The following ZDHHC5 variants were observed in gnomAD, a reference collection of about 807,000 sequenced individuals.
ZDHHC5 encodes zDHHC palmitoyltransferase 5.
Under a neutral mutation model 70.0 loss-of-function variants are expected in ZDHHC5, and 22 were observed. The observed-to-expected ratio is 0.31, with a 90% CI of 0.22 to 0.45. The LOEUF (loss-of-function observed/expected upper bound fraction) is 0.45. ZDHHC5 is among the 20% of genes least tolerant of loss of function. The pLI, the probability that ZDHHC5 is intolerant of heterozygous loss-of-function variation, is 1.00. For missense variants in ZDHHC5, 746 were observed against 926.9 expected (o/e 0.80, Z 2.53); for synonymous variants, 313 against 347.8 (o/e 0.90, Z 1.11).
chr11:57,698,900 G>A lies in ZDHHC5; in HGVS notation c.1464G>A (p.Gly488=), dbSNP rs1026091878. ...CTGATTTTGAGTCAGTGCAGGCAGG[G>A]CCTGAGCCAGACCCACCTTTAGGCT... ...DSPDFESVQA[G]PEPDPPLGYT... Residue 488 remains glycine (G), a synonymous_variant, in exon 11 of 12, where the codon GGG becomes GGA. Transcript: ENST00000287169. 4 of 1,614,016 alleles carry A rather than the reference G, an allele frequency of 2.5e-6. No homozygotes were observed. In the African/African-American group the frequency reaches 4.0e-5, roughly 16 times the overall value.
chr11:57,690,494 C>T (rs1590867361), intron 6 of ZDHHC5, 57 bp downstream of exon 6: 1 of 1,570,844 alleles, frequency 6.4e-7, no homozygotes, highest in South Asian at 1.1e-5. Flanking sequence ...CTTTAGCCTT[C>T]TGATTAGTGT....
At chr11:57,694,657 C>T (rs755023633) in intron 8 of ZDHHC5, among the ~76,000 whole-genome samples, 10 of 152,272 alleles carry the variant, frequency 6.6e-5, no homozygotes, top group Middle Eastern at 3.4e-3. Context: ...CCACTGCACC[C>T]GGCCCTACAT....
intron 2 of ZDHHC5, among the ~76,000 whole-genome samples, chr11:57,677,468 G>A (rs1456543662): frequency 6.6e-6 from 1 of 151,942 alleles, no homozygotes; most frequent in Non-Finnish European, 1.5e-5. Flanking sequence ...TGTATTTTTA[G>A]TAGAGTTGGG....
At chr11:57,682,599 T>C (rs1946162877) in intron 3 of ZDHHC5, 56 bp downstream of exon 3, 1 of 1,590,198 alleles carries the variant, frequency 6.3e-7, no homozygotes, top group Non-Finnish European at 8.6e-7. Context: ...AAATAATGAG[T>C]TGGCCATACA....
At chr11:57,682,715 A>G (rs1590861750) in intron 3 of ZDHHC5, among the ~76,000 whole-genome samples, 172 bp downstream of exon 3, 1 of 152,306 alleles carries the variant, frequency 6.6e-6, no homozygotes, top group East Asian at 1.9e-4. Flanking sequence ...ATTTTGGGAT[A>G]CTTTTATCAT....
At chr11:57,670,201 C>T (rs992704517) in intron 1 of ZDHHC5, among the ~76,000 whole-genome samples, 1 of 152,092 alleles carries the variant, frequency 6.6e-6, no homozygotes, top group Non-Finnish European at 1.5e-5. Flanking sequence ...ATTGGCTGGG[C>T]AGAGTGTCTC....
Position 57,699,105 on chromosome 11 carries a change from C to T in ZDHHC5, c.1669C>T (p.Leu557Phe), listed in dbSNP as rs749763289. ...GAAGTTGCTGCGCCAGTCACCCCCA[C>T]TCCCGGGCCGTGAGGAAGAACCAGG... ...REKLLRQSPPLPGREEEPGLG... is the reference protein window; with the variant it reads ...REKLLRQSPPFPGREEEPGLG... The change falls in exon 11 of 12, where the codon CTC becomes TTC. Residue 557 changes from leucine (L) to phenylalanine (F), a missense_variant. By Grantham distance (22) the Leu-to-Phe change is conservative. This residue lies in a region of ZDHHC5 where 340 missense variants were observed against 350.1 expected (regional missense o/e 0.97). Transcript: ENST00000287169. 6.2e-7 allele frequency: 1 copy of T among 1,613,976 alleles called. No individual in the cohort carries two copies. Among genetic ancestry groups the T allele is most frequent in the African/African-American group, 1.3e-5 (1 of 75,076 alleles).
rs1454366071 is a variant in ZDHHC5, at chr11:57,698,871, A to G, written c.1435A>G (p.Ser479Gly). 1 of 1,614,058 alleles carries G rather than the reference A, an allele frequency of 6.2e-7. No homozygotes were observed. Among genetic ancestry groups the G allele is most frequent in the Admixed American group, 1.7e-5 (1 of 60,004 alleles). ...SYDSLLTPSD[S>G]PDFESVQAGP... ...TGACAGCTTGCTCACACCTTCAGAC[A>G]GCCCTGATTTTGAGTCAGTGCAGGC... The change falls in exon 11 of 12, where the codon AGC (serine) becomes GGC (glycine). Residue 479 changes from serine (S) to glycine (G), a missense_variant. By Grantham distance (56) the Ser-to-Gly change is moderately conservative. Transcript: ENST00000287169.
At chr11:57,671,298 G>C (rs929352670) in intron 1 of ZDHHC5, among the ~76,000 whole-genome samples, 1 of 152,190 alleles carries the variant, frequency 6.6e-6, no homozygotes, top group Non-Finnish European at 1.5e-5. Flanking sequence ...GTTTGTTATT[G>C]TCATCAACAG....
At chr11:57,694,301 T>TA (rs1946322510) in intron 8 of ZDHHC5, among the ~76,000 whole-genome samples, 1 of 150,762 alleles carries the variant, frequency 6.6e-6, no homozygotes, top group South Asian at 2.1e-4. Context: ...CCATATTTCT[T>TA]ACAGTGTTTA....
At chr11:57,676,057 T>G (rs1946067823) in intron 2 of ZDHHC5, among the ~76,000 whole-genome samples, 1 of 152,222 alleles carries the variant, frequency 6.6e-6, no homozygotes, top group South Asian at 2.1e-4. Context: ...TATAGAGGAA[T>G]GCGAGTAGGA....
In ZDHHC5 at chr11:57,690,874, G is replaced by A. The variant is rs573927363; in HGVS notation, c.660+437G>A. Among the ~76,000 whole-genome samples the A allele has an allele frequency of 3.9e-5, 6 of 152,208 alleles. No homozygotes were observed. The East Asian group carries it at 1.2e-3, about 29-fold the overall frequency. Reference sequence around the variant, plus strand: ...GGGGCAGGGGGAGCGGGGAGGGATAGCATTAGGAGATATACCTAATGTAAG... The same window carrying A: ...GGGGCAGGGGGAGCGGGGAGGGATAACATTAGGAGATATACCTAATGTAAG... On this transcript the variant is annotated intron_variant, in intron 6 of 11. Coordinates refer to ENST00000287169, the MANE Select transcript of ZDHHC5 (RefSeq NM_015457.3).
At chr11:57,683,084 C>T (rs1946167831) in intron 3 of ZDHHC5, among the ~76,000 whole-genome samples, 1 of 152,148 alleles carries the variant, frequency 6.6e-6, no homozygotes, top group Non-Finnish European at 1.5e-5. Context: ...CATTTTTAGG[C>T]AGAGGAAACA....
chr11:57,692,086 G>A (rs1211437628), intron 6 of ZDHHC5, among the ~76,000 whole-genome samples: 2 of 151,896 alleles, frequency 1.3e-5, no homozygotes, highest in Non-Finnish European at 2.9e-5. Flanking sequence ...GCACGATCTC[G>A]GCTCACTGCA....
At chr11:57,683,972 A>ATTTTT (rs11435194) in intron 3 of ZDHHC5, among the ~76,000 whole-genome samples, 2 of 135,862 alleles carry the variant, frequency 1.5e-5, no homozygotes, top group South Asian at 2.3e-4. Context: ...CTAATAATTA[A>ATTTTT]TTTTTTTTTT....
At chr11:57,680,280 G>C (rs1294267795) in intron 2 of ZDHHC5, among the ~76,000 whole-genome samples, 1 of 152,148 alleles carries the variant, frequency 6.6e-6, no homozygotes, top group African/African-American at 2.4e-5. Flanking sequence ...AGGAGGCTGG[G>C]GTGGGAGGAT....
intron 3 of ZDHHC5, among the ~76,000 whole-genome samples, chr11:57,685,391 C>T (rs775209371): frequency 1.3e-5 from 2 of 152,028 alleles, no homozygotes; most frequent in African/African-American, 2.4e-5. Flanking sequence ...TGGCTTACGC[C>T]TGTAATCCCA....
chr11:57,688,782 A>G (rs1946244368), intron 4 of ZDHHC5, 117 bp downstream of exon 4: 4 of 1,150,000 alleles, frequency 3.5e-6, no homozygotes, highest in South Asian at 2.2e-5. Context: ...CGTTGGCCAC[A>G]TGGTCCAGCT....
In ZDHHC5 at chr11:57,696,086, G is replaced by C. The variant is rs779421288; in HGVS notation, c.1009+43G>C. ...TTGCAAGATACTAGAACTAGGGGCA[G>C]GATTGAGAAGGTTGCTTATGAGCTG... On this transcript the variant is annotated intron_variant, in intron 9 of 11. Coordinates refer to ENST00000287169, the MANE Select transcript of ZDHHC5 (RefSeq NM_015457.3). The C allele has an allele frequency of 2.3e-5, 37 of 1,581,326 alleles. No homozygotes were observed. In the Admixed American group the frequency reaches 6.6e-4, roughly 28 times the overall value.
Sources: allele counts gnomAD v4.1 joint callset (sites outside exome capture counted in the v4.1 genomes callset), GRCh38; gene constraint gnomAD v4.1.1; regional missense constraint gnomAD v4.1.1; transcripts MANE v1.5; gene names NCBI Gene and HGNC (gene_info 2026-07-23, HGNC 2026-07-21).